CAST: variants seen among roughly 807,000 people sequenced by gnomAD.
The protein encoded by CAST is calpastatin, also known as MIR583 host.
Under a neutral mutation model 119.6 loss-of-function variants are expected in CAST, and 76 were observed. The observed-to-expected ratio is 0.64, with a 90% CI of 0.53 to 0.77. The LOEUF (loss-of-function observed/expected upper bound fraction) is 0.77, where lower values mean the gene tolerates loss of function less well. Ranked by LOEUF, CAST falls within the 30% of genes least tolerant of loss-of-function variation. The pLI, the probability that CAST is intolerant of heterozygous loss-of-function variation, is 0.00. For synonymous variants in CAST, 319 were observed against 331.6 expected (o/e 0.96, Z 0.41); for missense variants, 953 against 946.5 (o/e 1.01, Z -0.09).
chr5:96,548,525 C>A (rs916602972), intron 1 of CAST, among the ~76,000 whole-genome samples: 1 of 152,078 alleles, frequency 6.6e-6, no homozygotes, highest in Non-Finnish European at 1.5e-5. Flanking sequence ...ATGCACCCCC[C>A]GCCCCCCACC....
At chr5:96,744,502 C>G (rs2150537855) in intron 16 of CAST, among the ~76,000 whole-genome samples, 2 of 152,284 alleles carry the variant, frequency 1.3e-5, no homozygotes, top group South Asian at 4.1e-4. Flanking sequence ...AATTACCTCC[C>G]ACTGGGTCCC....
At chr5:96,745,515 G>C (rs1339566171) in intron 16 of CAST, among the ~76,000 whole-genome samples, 1 of 152,168 alleles carries the variant, frequency 6.6e-6, no homozygotes, top group Non-Finnish European at 1.5e-5. Flanking sequence ...GATGCAGATG[G>C]GGGCCGTGGG....
chr5:96,073,381 T>A, the CAST span, among the ~76,000 whole-genome samples: 1 of 152,192 alleles, frequency 6.6e-6, no homozygotes, highest in Non-Finnish European at 1.5e-5. Flanking sequence ...CTTTTTCTAT[T>A]TGAAAATGCA....
chr5:96,709,634 A>G (rs1755701618), intron 3 of CAST, among the ~76,000 whole-genome samples: 1 of 152,170 alleles, frequency 6.6e-6, no homozygotes, highest in Non-Finnish European at 1.5e-5. Flanking sequence ...AGCTTGTCAC[A>G]TGCTTATCTT....
At chr5:96,518,812 A>G in the CAST span, among the ~76,000 whole-genome samples, 1 of 152,166 alleles carries the variant, frequency 6.6e-6, no homozygotes, top group Non-Finnish European at 1.5e-5. Flanking sequence ...CAGGAGTTCA[A>G]GATCAGCCTG....
chr5:96,282,634 A>G, the CAST span, among the ~76,000 whole-genome samples: 47 of 152,318 alleles, frequency 3.1e-4, 1 homozygote, highest in South Asian at 9.7e-3. Context: ...CCATAATTTT[A>G]CCACTTATTG....
chr5:96,765,289 C>A lies in CAST; in HGVS notation c.2001C>A (p.Asp667Glu). Reference sequence around the variant, plus strand: ...ACAGTCTAGGACAAAGGCAGCCTGACCCAGATGAGAACAAACCAATGGAAG... The same window carrying A: ...ACAGTCTAGGACAAAGGCAGCCTGAACCAGATGAGAACAAACCAATGGAAG... Reference protein sequence around the residue: ...LSDSLGQRQPDPDENKPMEDK... With the variant: ...LSDSLGQRQPEPDENKPMEDK... The change falls in exon 26 of 32, where the codon GAC becomes GAA. Residue 667 changes from aspartate to glutamate, a missense_variant. Coordinates refer to ENST00000675179, the MANE Select transcript of CAST (RefSeq NM_001750.7). The A allele has an allele frequency of 1.3e-6, 2 of 1,563,348 alleles. No individual in the cohort carries two copies. The highest frequency in any genetic ancestry group is 1.7e-6 in the Non-Finnish European group (2 of 1,146,394).
the CAST span, among the ~76,000 whole-genome samples, chr5:96,431,462 A>G: frequency 1.2e-3 from 184 of 152,288 alleles, no homozygotes; most frequent in African/African-American, 4.3e-3. Context: ...TACACAAATT[A>G]CAATCAGTTG....
At chr5:96,619,852 C>T (rs538288871) in intron 1 of CAST, among the ~76,000 whole-genome samples, 21 of 152,334 alleles carry the variant, frequency 1.4e-4, no homozygotes, top group African/African-American at 4.6e-4. Context: ...TGAAGAAACT[C>T]CTCAGTCTTA....
chr5:96,461,790 C>T, the CAST span, among the ~76,000 whole-genome samples: 2 of 152,124 alleles, frequency 1.3e-5, no homozygotes, highest in Non-Finnish European at 2.9e-5. Context: ...TTATCATAGG[C>T]ACAATACAAG....
chr5:96,147,291 A>G, the CAST span, among the ~76,000 whole-genome samples: 2 of 152,336 alleles, frequency 1.3e-5, no homozygotes, highest in Non-Finnish European at 2.9e-5. Flanking sequence ...CTGTTGTAAA[A>G]ACTACTTTTA....
chr5:96,236,125 C>CTA, the CAST span, among the ~76,000 whole-genome samples: 1 of 100,612 alleles, frequency 9.9e-6, no homozygotes, highest in African/African-American at 2.9e-5. Flanking sequence ...ATCTATCTAT[C>CTA]TCTCTATCTA....
At chr5:96,171,362 G>A in the CAST span, among the ~76,000 whole-genome samples, 1 of 152,138 alleles carries the variant, frequency 6.6e-6, no homozygotes, top group Non-Finnish European at 1.5e-5. Context: ...GGAGAAGAAG[G>A]AGGAATGGAG....
At chr5:96,663,793 C>T (rs540897524) in intron 1 of CAST, among the ~76,000 whole-genome samples, 3 of 152,240 alleles carry the variant, frequency 2.0e-5, no homozygotes, top group Non-Finnish European at 4.4e-5. Flanking sequence ...CTTCTCTGCA[C>T]TTTATTACTT....
chr5:96,653,096 G>C (rs985595357), intron 1 of CAST, among the ~76,000 whole-genome samples: 6 of 152,166 alleles, frequency 3.9e-5, no homozygotes, highest in African/African-American at 1.4e-4. Context: ...TTTAGTGATT[G>C]CCTTCATATT....
the CAST span, among the ~76,000 whole-genome samples, chr5:96,083,297 G>T: frequency 6.6e-6 from 1 of 152,204 alleles, no homozygotes; most frequent in Non-Finnish European, 1.5e-5. Flanking sequence ...CTGAAGCACG[G>T]TTTATGATGG....
chr5:96,029,383 A>G, the CAST span, among the ~76,000 whole-genome samples: 1 of 152,144 alleles, frequency 6.6e-6, no homozygotes. Context: ...AGTATTTTAA[A>G]ACTCATAAAA....
At chr5:96,274,764 A>G in the CAST span, among the ~76,000 whole-genome samples, 1 of 152,238 alleles carries the variant, frequency 6.6e-6, no homozygotes, top group Admixed American at 6.5e-5. Context: ...GACACTAAAC[A>G]GCTCATGTTT....
chr5:96,445,109 AG>A, the CAST span, among the ~76,000 whole-genome samples: 1 of 152,210 alleles, frequency 6.6e-6, no homozygotes, highest in Non-Finnish European at 1.5e-5. Flanking sequence ...AAGAACCCTG[AG>A]GACTGCACTC....
Sources: gnomAD v4.1 joint callset for allele counts (sites outside exome capture counted in the v4.1 genomes callset) on GRCh38, gnomAD v4.1.1 for gene constraint, MANE v1.5 for transcripts, NCBI Gene and HGNC (gene_info 2026-07-23, HGNC 2026-07-21) for gene names.